Variants in DHRSX observed in about 807,000 individuals in gnomAD.
DHRSX encodes dehydrogenase/reductase X-linked.
DHRSX carries 31 observed loss-of-function variants against 34.0 expected under a neutral mutation model. That is an observed-to-expected ratio of 0.91 (90% confidence interval 0.69 to 1.23). DHRSX has a LOEUF of 1.23. DHRSX is among the 50% of genes most tolerant of loss of function. The pLI is 0.00. For synonymous variants in DHRSX, 201 were observed against 183.8 expected (o/e 1.09, Z -0.76); for missense variants, 414 against 428.1 (o/e 0.97, Z 0.29).
intron 1 of DHRSX, among the ~76,000 whole-genome samples, chrX:2,443,883 G>C (rs1187598687): frequency 1.2e-4 from 18 of 152,098 alleles, no homozygotes. Context: ...GCGGAAGCCT[G>C]TAGTCCCAGC....
intron 1 of DHRSX, among the ~76,000 whole-genome samples, chrX:2,477,701 C>T (rs1425938881): frequency 1.3e-5 from 2 of 152,044 alleles, no homozygotes; most frequent in Non-Finnish European, 2.9e-5. Flanking sequence ...TAAAATTAGC[C>T]GAGCGTGGTG....
intron 3 of DHRSX, among the ~76,000 whole-genome samples, chrX:2,349,676 C>T (rs1208145534): frequency 6.6e-6 from 1 of 151,214 alleles, no homozygotes; most frequent in Non-Finnish European, 1.5e-5. Context: ...GACAGAGTGA[C>T]ACTCAGTCTC....
At chrX:2,291,375 T>C in intron 4 of DHRSX, 127 bp downstream of exon 4, 1 of 731,590 alleles carries the variant, frequency 1.4e-6, no homozygotes, top group Non-Finnish European at 2.4e-6. Flanking sequence ...TGACTAGAAA[T>C]AGCAGGTATG....
At chrX:2,471,373 C>G (rs1254817903) in intron 1 of DHRSX, among the ~76,000 whole-genome samples, 1 of 152,080 alleles carries the variant, frequency 6.6e-6, no homozygotes, top group Non-Finnish European at 1.5e-5. Flanking sequence ...TCGAGAGCAG[C>G]CTGAACAATA....
At chrX:2,444,960 C>T (rs759878474) in intron 1 of DHRSX, among the ~76,000 whole-genome samples, 8 of 152,220 alleles carry the variant, frequency 5.3e-5, no homozygotes, top group African/African-American at 1.9e-4. Flanking sequence ...AGTTCGAGAC[C>T]AGCCTGGCCA....
chrX:2,311,270 G>C (rs867632068), intron 3 of DHRSX, among the ~76,000 whole-genome samples: 204 of 152,140 alleles, frequency 1.3e-3, no homozygotes, highest in African/African-American at 4.6e-3. Context: ...GAGAGAGATG[G>C]GGAGAGAGCT....
In DHRSX at chrX:2,482,137, T is replaced by G. The variant is rs1433491826; in HGVS notation, c.109+18680A>C. ...TGTGCCACCACGTCTGGCTTTTTTT[T>G]TTTTTTTAGAGACAGCATCTCTCTC... is the stretch of plus-strand genomic sequence containing the variant. On this transcript the variant is annotated intron_variant, in intron 1 of 6. Coordinates refer to ENST00000334651, the MANE Select transcript of DHRSX (RefSeq NM_145177.3). Among the ~76,000 whole-genome samples the G allele has an allele frequency of 6.7e-5, 10 of 150,230 alleles. No individual in the cohort carries two copies. The South Asian group carries it at 2.1e-3, about 32-fold the overall frequency.
chrX:2,270,157 C>T (rs907316128), intron 4 of DHRSX, among the ~76,000 whole-genome samples: 6 of 152,078 alleles, frequency 3.9e-5, no homozygotes, highest in African/African-American at 1.2e-4. Flanking sequence ...TACATGGACC[C>T]ATTTCCCTAT....
intron 3 of DHRSX, among the ~76,000 whole-genome samples, chrX:2,345,889 G>C (rs2042702966): frequency 6.6e-6 from 1 of 152,094 alleles, no homozygotes; most frequent in African/African-American, 2.4e-5. Context: ...AGACTTGCCA[G>C]CCTCCATCAC....
At chrX:2,401,019 A>G (rs2043478869) in intron 3 of DHRSX, among the ~76,000 whole-genome samples, 1 of 152,030 alleles carries the variant, frequency 6.6e-6, no homozygotes, top group Non-Finnish European at 1.5e-5. Flanking sequence ...AACTTGGTCT[A>G]ATAACTGGGT....
chrX:2,374,110 T>C (rs2043112832), intron 3 of DHRSX, among the ~76,000 whole-genome samples: 1 of 152,152 alleles, frequency 6.6e-6, no homozygotes, highest in Non-Finnish European at 1.5e-5. Flanking sequence ...TGATTAGTAT[T>C]GTTCTAAAGA....
chrX:2,338,756 C>A (rs1183503314), intron 3 of DHRSX, among the ~76,000 whole-genome samples: 2 of 152,020 alleles, frequency 1.3e-5, no homozygotes, highest in Non-Finnish European at 2.9e-5. Flanking sequence ...TCTTGTACAG[C>A]CTGCAGAATC....
At chrX:2,474,924 G>T (rs1034328117) in intron 1 of DHRSX, among the ~76,000 whole-genome samples, 4 of 149,440 alleles carry the variant, frequency 2.7e-5, no homozygotes, top group African/African-American at 9.9e-5. Flanking sequence ...CACTGAAGAC[G>T]TTCCCTAAAA....
At chrX:2,340,736 C>T (rs931162524) in intron 3 of DHRSX, among the ~76,000 whole-genome samples, 7 of 152,014 alleles carry the variant, frequency 4.6e-5, no homozygotes, top group African/African-American at 4.8e-5. Context: ...TTCAATGGTT[C>T]GTGTCTACTA....
At chrX:2,500,654 G>GCCCCCCCCCCCCCCCCCCCCCCCCCCC (rs546772121) in intron 1 of DHRSX, 163 bp downstream of exon 1, 2 of 126,696 alleles carry the variant, frequency 1.6e-5, no homozygotes, top group Non-Finnish European at 1.7e-5. Context: ...CGCGCACGCC[G>GCCCCCCCCCCCCCCCCCCCCCCCCCCC]CCCCCCCCCC....
At chrX:2,266,188 G>A (rs1365898352) in intron 5 of DHRSX, among the ~76,000 whole-genome samples, 9 of 144,338 alleles carry the variant, frequency 6.2e-5, no homozygotes, top group Middle Eastern at 9.3e-3. Context: ...ACTGTCCCCA[G>A]AGCACCAGTG....
rs779094745 is a variant in DHRSX at position 2,375,715 on chromosome X, G to A, written c.286+33030C>T. 5.1e-5 allele frequency among the ~76,000 whole-genome samples: 7 copies of A among 136,242 alleles called. 1 individual carries two copies. The South Asian group carries it at 1.4e-3, about 27-fold the overall frequency. 89.4% of individuals were successfully genotyped at this position (136,242 alleles called of 152,430 possible). A position where few individuals can be genotyped will look rare whatever the true frequency, so the allele number is the denominator to read the frequency against. On this transcript the variant is annotated intron_variant, in intron 3 of 6. Transcript: ENST00000334651. ...TAGTGCGATCTCGGCTCACTGCAAC[G>A]TCCGCCTCCTAGGTTCAAGTGATTC...
chrX:2,432,828 A>G (rs2043944060), intron 1 of DHRSX, among the ~76,000 whole-genome samples: 1 of 152,194 alleles, frequency 6.6e-6, no homozygotes, highest in South Asian at 2.1e-4. Flanking sequence ...TTAAAAAACT[A>G]CTTGTTTAAA....
intron 1 of DHRSX, among the ~76,000 whole-genome samples, chrX:2,450,254 TG>T (rs2044198105): frequency 6.6e-6 from 1 of 152,312 alleles, no homozygotes; most frequent in South Asian, 2.1e-4. Flanking sequence ...TGTTTATAAA[TG>T]TTTTTTCTGA....
Sources: gnomAD v4.1 joint callset for allele counts (sites outside exome capture counted in the v4.1 genomes callset) on GRCh38, gnomAD v4.1.1 for gene constraint, MANE v1.5 for transcripts, NCBI Gene and HGNC (gene_info 2026-07-23, HGNC 2026-07-21) for gene names.